SLF2: variants seen among roughly 807,000 people sequenced by gnomAD.
SLF2 encodes the protein SMC5/6 complex localization factor 2, also known as SMC5-SMC6 complex localization factor protein 2.
In SLF2, 68 loss-of-function variants were observed where a neutral mutation model predicts 124.3. That is an observed-to-expected ratio of 0.55 (90% confidence interval 0.45 to 0.67). The LOEUF (loss-of-function observed/expected upper bound fraction) is 0.67, where lower values mean the gene tolerates loss of function less well. SLF2 is among the 30% of genes least tolerant of loss of function. The pLI, the probability that SLF2 is intolerant of heterozygous loss-of-function variation, is 0.00. For missense variants in SLF2, 1,246 were observed against 1,373.7 expected (o/e 0.91, Z 1.47); for synonymous variants, 480 against 478.8 (o/e 1.00, Z -0.03).
chr10:100,913,964 C>A, intron 1 of SLF2: 1 of 799,466 alleles, frequency 1.3e-6, no homozygotes, highest in Non-Finnish European at 1.5e-6. Flanking sequence ...TACTGTGGTA[C>A]AGGCCCACAA....
Position 100,924,463 on chromosome 10 carries a change from C to G in SLF2, c.1462C>G (p.Pro488Ala), listed in dbSNP as rs1381463812. The G allele has an allele frequency of 1.7e-5, 28 of 1,613,982 alleles. No individual in the cohort carries two copies. Among genetic ancestry groups the G allele is most frequent in the Non-Finnish European group, 2.4e-5 (28 of 1,180,028 alleles). The change falls in exon 5 of 20, where the codon CCA becomes GCA. Residue 488 changes from proline (P) to alanine (A), a missense_variant. This residue lies in a region of SLF2 where 698 missense variants were observed against 708.9 expected (regional missense o/e 0.98). Transcript: ENST00000238961. ...RVPSAGSSLV[P>A]LNAKNCALPV... ...TCCAAGTGCTGGTTCCTCTCTAGTA[C>G]CATTAAATGCTAAAAATTGTGCTCT...
chr10:100,917,581 CT>C (rs934119046), intron 3 of SLF2, among the ~76,000 whole-genome samples: 1 of 151,870 alleles, frequency 6.6e-6, no homozygotes, highest in Non-Finnish European at 1.5e-5. Flanking sequence ...CAAGTATAGT[CT>C]TACTTATTTA....
At chr10:100,955,516 T>C (rs1280851568) in intron 17 of SLF2, among the ~76,000 whole-genome samples, 1 of 152,060 alleles carries the variant, frequency 6.6e-6, no homozygotes, top group Non-Finnish European at 1.5e-5. Context: ...TCTCAACACA[T>C]TGGGAGTCTG....
At chr10:100,919,100 C>T (rs1232012055) in intron 4 of SLF2, among the ~76,000 whole-genome samples, 2 of 150,420 alleles carry the variant, frequency 1.3e-5, no homozygotes, top group Non-Finnish European at 2.9e-5. Flanking sequence ...CAAGCTCCGC[C>T]TCCCGGGTTC....
At chr10:100,936,400 C>T (rs1274733338) in intron 9 of SLF2, among the ~76,000 whole-genome samples, 1 of 152,094 alleles carries the variant, frequency 6.6e-6, no homozygotes, top group Non-Finnish European at 1.5e-5. Context: ...GTGGCACGAT[C>T]TCAGCTCACT....
chr10:100,924,961 T>A lies in SLF2; in HGVS notation c.1960T>A (p.Ser654Thr), dbSNP rs1849588431. 6.2e-7 allele frequency: 1 copy of A among 1,612,488 alleles called. No homozygotes were observed. The highest frequency in any genetic ancestry group is 2.2e-5 in the East Asian group (1 of 44,898). The change falls in exon 5 of 20, where the codon TCA becomes ACA. Residue 654 changes from serine to threonine, a missense_variant. Transcript: ENST00000238961. ...TTCCAAGGGGCTTAGATCTCAGTCATCAGACTATACAGTAAGTAGTTCTGT... is the reference window on the plus strand; with the variant it reads ...TTCCAAGGGGCTTAGATCTCAGTCAACAGACTATACAGTAAGTAGTTCTGT... ...ALSKGLRSQS[S>T]DYTGHVHPGT...
chr10:100,924,522 A>T lies in SLF2; in HGVS notation c.1521A>T (p.Ser507=). ...CTAAAAAAGATAAAGAGCGTTCCTC[A>T]TCTAAAGAATGTTCTGGGCATTCTA... ...PVSKKDKERS[S]SKECSGHSTE... Residue 507 remains serine, a synonymous_variant, in exon 5 of 20, where the codon TCA becomes TCT. Transcript: ENST00000238961. 1 of 1,614,176 alleles carries T rather than the reference A, an allele frequency of 6.2e-7. No homozygotes were observed. The highest frequency in any genetic ancestry group is 1.3e-5 in the African/African-American group (1 of 75,056).
intron 18 of SLF2, among the ~76,000 whole-genome samples, chr10:100,956,963 T>A (rs578162500): frequency 1.3e-5 from 2 of 152,272 alleles, no homozygotes; most frequent in South Asian, 4.1e-4. Flanking sequence ...AAATAGGACT[T>A]TCTCTTTTAA....
chr10:100,961,737 A>G, intron 19 of SLF2, 140 bp from the exon 20 acceptor site: 1 of 645,856 alleles, frequency 1.5e-6, no homozygotes, highest in Non-Finnish European at 2.5e-6. Context: ...ATTACCATAA[A>G]TTTTCAGAGA....
rs753782259 is a variant in SLF2, at chr10:100,913,163, C to T, written c.53C>T (p.Pro18Leu). Residue 18 changes from proline (P) to leucine (L), a missense_variant, in exon 1 of 20, where the codon CCG becomes CTG. Pro to Leu is a moderately conservative substitution (Grantham distance 98, BLOSUM62 -3). This residue lies in a region of SLF2 where 698 missense variants were observed against 708.9 expected (regional missense o/e 0.98). Coordinates refer to ENST00000238961, the MANE Select transcript of SLF2 (RefSeq NM_018121.4). ...ARPGFPSSPA[P>L]GSSPPRCHLR... ...CCAGGTTTCCCCTCATCCCCAGCCC[C>T]GGGGTCGTCGCCCCCGCGCTGCCAT... The T allele has an allele frequency of 1.9e-6, 3 of 1,612,586 alleles. No individual in the cohort carries two copies. The highest frequency in any genetic ancestry group is 1.7e-5 in the Admixed American group (1 of 59,882).
chr10:100,950,269 C>T, intron 16 of SLF2, 62 bp downstream of exon 16: 1 of 1,498,448 alleles, frequency 6.7e-7, no homozygotes, highest in Non-Finnish European at 8.9e-7. Context: ...AGCTTACTAA[C>T]CATAGACTGA....
At chr10:100,940,488 T>A (rs995567649) in intron 11 of SLF2, among the ~76,000 whole-genome samples, 2 of 151,996 alleles carry the variant, frequency 1.3e-5, no homozygotes, top group Non-Finnish European at 2.9e-5. Flanking sequence ...GCCTCCTGAG[T>A]AGCTGAGACC....
intron 6 of SLF2, among the ~76,000 whole-genome samples, chr10:100,928,031 A>AACC (rs1849645631): frequency 2.9e-4 from 9 of 30,522 alleles, no homozygotes; most frequent in Admixed American, 9.1e-4. Context: ...TATGATGAAC[A>AACC]CCCCCCCCCC....
At chr10:100,958,591 A>G (rs1308465161) in intron 18 of SLF2, among the ~76,000 whole-genome samples, 1 of 152,236 alleles carries the variant, frequency 6.6e-6, no homozygotes, top group Non-Finnish European at 1.5e-5. Context: ...TGGTCTGTGG[A>G]AATTGCTTCA....
intron 4 of SLF2, 61 bp from the exon 5 acceptor site, chr10:100,923,914 A>G: frequency 7.4e-7 from 1 of 1,356,414 alleles, no homozygotes; most frequent in Non-Finnish European, 9.7e-7. Flanking sequence ...TAGACACTGA[A>G]TAAACTTTAC....
chr10:100,917,585 CTTAT>C (rs1473813082), intron 3 of SLF2, among the ~76,000 whole-genome samples: 1 of 151,850 alleles, frequency 6.6e-6, no homozygotes, highest in Middle Eastern at 3.2e-3. Context: ...TATAGTCTTA[CTTAT>C]TTATGTGTAG....
chr10:100,925,929 T>G lies in SLF2; in HGVS notation c.1972-20T>G. 1 of 1,558,888 alleles carries G rather than the reference T, an allele frequency of 6.4e-7. No homozygotes were observed. The highest frequency in any genetic ancestry group is 8.7e-7 in the Non-Finnish European group (1 of 1,154,756). On this transcript the variant is annotated intron_variant, in intron 5 of 19. Coordinates refer to ENST00000238961, the MANE Select transcript of SLF2 (RefSeq NM_018121.4). ...CTACTAAGACATGTGGTAAAGTATT[T>G]CTAAATGTTCTTGTTTTAGGGACAT...
At chr10:100,933,716 G>C (rs1564776489) in intron 9 of SLF2, among the ~76,000 whole-genome samples, 1 of 152,058 alleles carries the variant, frequency 6.6e-6, no homozygotes, top group Non-Finnish European at 1.5e-5. Flanking sequence ...GTCTCACTTG[G>C]TCACCCAGGC....
In SLF2 at chr10:100,963,494, CA is replaced by C. The variant is rs1359344375; in HGVS notation, c.*1586del. The C allele has an allele frequency of 6.6e-6, 1 of 152,588 alleles. No homozygotes were observed. The allele number at this position is 152,588 out of a possible 1,614,324, so 9.5% of individuals were successfully genotyped here. A position where few individuals can be genotyped will look rare whatever the true frequency, so the allele number is the denominator to read the frequency against. On this transcript the variant is annotated 3_prime_UTR_variant, in exon 20 of 20. Transcript: ENST00000238961. ...ATACTACCTCTCAAGGGTATTGTTA[CA>C]AAATGCCACTTATGGTTAAAGAGAT... is the stretch of plus-strand genomic sequence containing the variant.
Sources: allele counts gnomAD v4.1 joint callset (sites outside exome capture counted in the v4.1 genomes callset), GRCh38; gene constraint gnomAD v4.1.1; regional missense constraint gnomAD v4.1.1; transcripts MANE v1.5; gene names NCBI Gene and HGNC (gene_info 2026-07-23, HGNC 2026-07-21).